Variants in BICC1 observed in about 807,000 individuals in gnomAD.
The protein encoded by BICC1 is BicC family RNA binding protein 1.
A neutral mutation model predicts 111.0 loss-of-function variants in BICC1; 43 were observed. The ratio of observed to expected loss-of-function variants is 0.39; its 90% confidence interval spans 0.30 to 0.50. The LOEUF (loss-of-function observed/expected upper bound fraction) is 0.50. BICC1 is among the 20% of genes least tolerant of loss of function. The pLI, the probability that BICC1 is intolerant of heterozygous loss-of-function variation, is 0.88. For synonymous variants in BICC1, 467 were observed against 434.4 expected (o/e 1.07, Z -0.93); for missense variants, 1,091 against 1,203.2 (o/e 0.91, Z 1.38).
intron 20 of BICC1, among the ~76,000 whole-genome samples, chr10:58,825,263 T>C (rs1481502448): frequency 6.6e-6 from 1 of 152,154 alleles, no homozygotes; most frequent in Non-Finnish European, 1.5e-5. Context: ...AGTTGACCCT[T>C]GAACAACATG....
chr10:58,575,354 A>G (rs765717065), intron 1 of BICC1, among the ~76,000 whole-genome samples: 5 of 152,206 alleles, frequency 3.3e-5, no homozygotes, highest in Middle Eastern at 3.4e-3. Flanking sequence ...CCGTGGTTTC[A>G]GTGTTCTACC....
intron 9 of BICC1, among the ~76,000 whole-genome samples, chr10:58,794,396 G>A (rs1188172065): frequency 6.6e-6 from 1 of 151,514 alleles, no homozygotes; most frequent in African/African-American, 2.4e-5. Flanking sequence ...ACTACATGTA[G>A]AGTAAAAATT....
intron 1 of BICC1, among the ~76,000 whole-genome samples, chr10:58,564,957 G>A (rs1211083977): frequency 2.0e-5 from 3 of 151,982 alleles, no homozygotes; most frequent in Non-Finnish European, 2.9e-5. Context: ...AGAATATGAC[G>A]TCCCTTTTTT....
intron 1 of BICC1, among the ~76,000 whole-genome samples, chr10:58,523,029 C>A (rs1171562539): frequency 6.6e-6 from 1 of 152,062 alleles, no homozygotes; most frequent in Non-Finnish European, 1.5e-5. Flanking sequence ...CTGAATAGAC[C>A]AATAACAGGC....
chr10:58,688,069 C>T (rs906535298), intron 2 of BICC1, among the ~76,000 whole-genome samples: 2 of 152,198 alleles, frequency 1.3e-5, no homozygotes, highest in East Asian at 1.9e-4. Flanking sequence ...GCCGACTTCA[C>T]GAGTGAAGCT....
intron 1 of BICC1, among the ~76,000 whole-genome samples, chr10:58,585,836 C>T (rs1224323906): frequency 6.6e-6 from 1 of 152,076 alleles, no homozygotes; most frequent in Non-Finnish European, 1.5e-5. Context: ...CAATGTGTGA[C>T]AGATGATGAC....
At chr10:58,548,469 A>G (rs1257203464) in intron 1 of BICC1, among the ~76,000 whole-genome samples, 1 of 152,176 alleles carries the variant, frequency 6.6e-6, no homozygotes, top group Non-Finnish European at 1.5e-5. Flanking sequence ...CCTGCATTCC[A>G]TCTTGGATTC....
intron 1 of BICC1, among the ~76,000 whole-genome samples, chr10:58,579,611 T>G (rs1397557190): frequency 6.6e-6 from 1 of 152,200 alleles, no homozygotes; most frequent in Admixed American, 6.5e-5. Flanking sequence ...AGCAAATCAC[T>G]GCTGGCTTGT....
At chr10:58,625,371 A>C (rs1392721943) in intron 2 of BICC1, among the ~76,000 whole-genome samples, 1 of 152,180 alleles carries the variant, frequency 6.6e-6, no homozygotes, top group Non-Finnish European at 1.5e-5. Flanking sequence ...TACACATGTG[A>C]CTCATCAAAG....
At chr10:58,559,014 A>G (rs185368055) in intron 1 of BICC1, among the ~76,000 whole-genome samples, 20 of 152,022 alleles carry the variant, frequency 1.3e-4, no homozygotes, top group African/African-American at 4.8e-4. Flanking sequence ...AAATATTCAA[A>G]CCATACAAAT....
intron 2 of BICC1, among the ~76,000 whole-genome samples, chr10:58,656,412 A>C (rs1838651380): frequency 6.6e-6 from 1 of 150,944 alleles, no homozygotes; most frequent in Non-Finnish European, 1.5e-5. Flanking sequence ...AGATTTTTAG[A>C]CCAATATCCT....
intron 2 of BICC1, among the ~76,000 whole-genome samples, chr10:58,684,723 C>T (rs780180457): frequency 5.3e-4 from 81 of 152,174 alleles, no homozygotes; most frequent in Non-Finnish European, 8.1e-4. Flanking sequence ...GTGGTGATAT[C>T]CCCTTTATCA....
At chr10:58,666,479 TTCC>T (rs1369921950) in intron 2 of BICC1, among the ~76,000 whole-genome samples, 4 of 152,218 alleles carry the variant, frequency 2.6e-5, no homozygotes, top group African/African-American at 9.6e-5. Context: ...TTATGTTCTT[TTCC>T]TTCAGCCAGC....
chr10:58,621,908 A>ATAGAATAGAATAGAG (rs1845822618), intron 2 of BICC1, among the ~76,000 whole-genome samples: 1 of 92,342 alleles, frequency 1.1e-5, no homozygotes, highest in East Asian at 3.3e-4. Flanking sequence ...TAAAATTAGA[A>ATAGAATAGAATAGAG]TAGAATAGAA....
At position 58,828,776 on chromosome 10, in the gene BICC1, G is replaced by A. The variant is rs770947883; in HGVS notation, c.2810G>A (p.Arg937Gln). Residue 937 changes from arginine (R) to glutamine (Q), a missense_variant, in exon 21 of 21, where the codon CGA becomes CAA. Arg to Gln is a conservative substitution (Grantham distance 43, BLOSUM62 1). Transcript: ENST00000373886. ...LLAISELNKN[R>Q]RKLFESPNAR... ...CTCTCTCTAGAACTAAATAAAAACCGAAGAAAGCTTTTTGAATCGCCAAAT... is the reference window on the plus strand; with the variant it reads ...CTCTCTCTAGAACTAAATAAAAACCAAAGAAAGCTTTTTGAATCGCCAAAT... 8 of 1,613,302 alleles carry A rather than the reference G, an allele frequency of 5.0e-6. No individual in the cohort carries two copies. The highest frequency in any genetic ancestry group is 4.4e-5 in the South Asian group (4 of 91,054).
chr10:58,698,153 T>C (rs909347892), intron 2 of BICC1, among the ~76,000 whole-genome samples: 1 of 152,188 alleles, frequency 6.6e-6, no homozygotes, highest in Non-Finnish European at 1.5e-5. Context: ...CAGAATTTAT[T>C]TGTAGGGAGT....
At chr10:58,709,408 CA>C (rs1840502409) in intron 3 of BICC1, among the ~76,000 whole-genome samples, 1 of 152,194 alleles carries the variant, frequency 6.6e-6, no homozygotes, top group Non-Finnish European at 1.5e-5. Flanking sequence ...CACCTGTGCA[CA>C]AATATATTAG....
intron 2 of BICC1, among the ~76,000 whole-genome samples, chr10:58,628,665 T>C (rs1298992119): frequency 6.6e-6 from 1 of 152,196 alleles, no homozygotes; most frequent in East Asian, 1.9e-4. Context: ...GTGTTTTGGA[T>C]AGAGCCTGGC....
intron 3 of BICC1, among the ~76,000 whole-genome samples, chr10:58,758,359 C>A (rs569746518): frequency 6.6e-6 from 1 of 152,248 alleles, no homozygotes; most frequent in South Asian, 2.1e-4. Context: ...TGTATTCTTC[C>A]CCTACCAAAT....
Sources: allele counts gnomAD v4.1 joint callset (sites outside exome capture counted in the v4.1 genomes callset), GRCh38; gene constraint gnomAD v4.1.1; transcripts MANE v1.5; gene names NCBI Gene and HGNC (gene_info 2026-07-23, HGNC 2026-07-21).